Variants in RBPMS observed in about 807,000 individuals in gnomAD.
RBPMS encodes the protein RNA binding protein, mRNA processing factor, also known as RNA-binding protein with multiple splicing.
RBPMS carries 7 observed loss-of-function variants against 26.8 expected under a neutral mutation model. The ratio of observed to expected loss-of-function variants is 0.26; its 90% CI spans 0.15 to 0.49. The LOEUF (loss-of-function observed/expected upper bound fraction) is 0.49, where lower values mean the gene tolerates loss of function less well. RBPMS is among the 20% of genes least tolerant of loss of function. The pLI, the probability that RBPMS is intolerant of heterozygous loss-of-function variation, is 0.98. For synonymous variants in RBPMS, 96 were observed against 93.3 expected (o/e 1.03, Z -0.17); for missense variants, 186 against 250.0 (o/e 0.74, Z 1.73).
At chr8:30,511,489 ATATATATATATAT>A (rs1563393233) in intron 5 of RBPMS, among the ~76,000 whole-genome samples, 97 of 7,574 alleles carry the variant, frequency 0.013, no homozygotes, top group African/African-American at 0.065. Context: ...AAAAAAAAAT[ATATATATATATAT>A]ATATATATAT....
intron 5 of RBPMS, among the ~76,000 whole-genome samples, chr8:30,519,763 G>A (rs989964514): frequency 2.0e-5 from 3 of 152,048 alleles, no homozygotes; most frequent in Non-Finnish European, 4.4e-5. Flanking sequence ...AAAGTGCTGG[G>A]ATTACAGGCG....
chr8:30,428,264 G>A (rs140082417), intron 1 of RBPMS, among the ~76,000 whole-genome samples: 1,629 of 151,696 alleles, frequency 0.011, 22 homozygotes, highest in African/African-American at 0.037. Context: ...CTCGTAATCC[G>A]CCTGCCTCGT....
chr8:30,519,454 CTCTCTTTTTTTTTTTT>C (rs1822772969), intron 5 of RBPMS, among the ~76,000 whole-genome samples: 17 of 123,478 alleles, frequency 1.4e-4, no homozygotes, highest in African/African-American at 5.7e-4. Flanking sequence ...GGGAGGATCT[CTCTCTTTTTTTTTTTT>C]TTTTTTTTTT....
intron 1 of RBPMS, among the ~76,000 whole-genome samples, chr8:30,420,615 AT>A (rs1810656782): frequency 6.6e-6 from 1 of 152,230 alleles, no homozygotes; most frequent in South Asian, 2.1e-4. Context: ...GGCTGGACTG[AT>A]TGCATGTGAT....
intron 4 of RBPMS, among the ~76,000 whole-genome samples, chr8:30,502,307 A>G (rs907846580): frequency 1.4e-4 from 21 of 152,148 alleles, no homozygotes; most frequent in African/African-American, 5.1e-4. Flanking sequence ...GTTGTGTAAG[A>G]GGCAAACACA....
chr8:30,525,799 G>A (rs1272591107), intron 5 of RBPMS, among the ~76,000 whole-genome samples: 1 of 152,184 alleles, frequency 6.6e-6, no homozygotes, highest in Non-Finnish European at 1.5e-5. Context: ...ATGCTGTAGA[G>A]CTCTCTGCAG....
intron 8 of RBPMS, among the ~76,000 whole-genome samples, chr8:30,566,686 C>T (rs759931030): frequency 3.3e-5 from 5 of 152,188 alleles, no homozygotes; most frequent in Admixed American, 6.5e-5. Flanking sequence ...GTTACTGAAA[C>T]GAAGCTTTTC....
At position 30,486,766 on chromosome 8, in the gene RBPMS, A is replaced by G. The variant is rs911760708; in HGVS notation, c.246+7389A>G. Among the ~76,000 whole-genome samples, 4 of 152,238 alleles carry G rather than the reference A, an allele frequency of 2.6e-5. No homozygotes were observed. In the South Asian group the frequency reaches 6.2e-4, roughly 24 times the overall value. ...CGTTCTCACACATGAACCAGTGTAT[A>G]TTCCAATGACAAGTATATGTGGAAA... On this transcript the variant is annotated intron_variant, in intron 4 of 8. Coordinates refer to ENST00000397323, the MANE Select transcript of RBPMS (RefSeq NM_001008710.3).
At chr8:30,409,618 A>C (rs893734769) in intron 1 of RBPMS, among the ~76,000 whole-genome samples, 3 of 152,082 alleles carry the variant, frequency 2.0e-5, no homozygotes, top group African/African-American at 7.2e-5. Flanking sequence ...ATGCGTCCTA[A>C]TACATTCTTT....
At chr8:30,462,956 C>A (rs919173666) in intron 1 of RBPMS, among the ~76,000 whole-genome samples, 1 of 151,954 alleles carries the variant, frequency 6.6e-6, no homozygotes, top group Non-Finnish European at 1.5e-5. Flanking sequence ...TATTGGGGTC[C>A]GTAATACGAA....
At chr8:30,532,773 C>T (rs1482170791) in intron 5 of RBPMS, among the ~76,000 whole-genome samples, 7 of 152,176 alleles carry the variant, frequency 4.6e-5, no homozygotes, top group Non-Finnish European at 1.0e-4. Flanking sequence ...TCTTCGGACA[C>T]TTTTCAGATG....
At chr8:30,408,319 A>C (rs538665717) in intron 1 of RBPMS, among the ~76,000 whole-genome samples, 2 of 152,322 alleles carry the variant, frequency 1.3e-5, no homozygotes, top group East Asian at 3.9e-4. Flanking sequence ...ACCTGAGGCC[A>C]GGAGTTTGAG....
intron 8 of RBPMS, among the ~76,000 whole-genome samples, chr8:30,570,094 C>T (rs909734302): frequency 1.3e-5 from 2 of 152,186 alleles, no homozygotes; most frequent in Admixed American, 1.3e-4. Context: ...AAGCTCATCC[C>T]GTACGCTATG....
intron 5 of RBPMS, 63 bp from the exon 6 acceptor site, chr8:30,544,431 G>T: frequency 6.5e-7 from 1 of 1,537,580 alleles, no homozygotes; most frequent in Non-Finnish European, 9.0e-7. Context: ...TGGGTGTTTT[G>T]TTTTCTGATT....
intron 6 of RBPMS, chr8:30,555,745 A>C (rs1361333172): frequency 3.1e-6 from 1 of 320,996 alleles, no homozygotes; most frequent in Non-Finnish European, 4.5e-6. Flanking sequence ...TCTGGAGGGA[A>C]CTGTAGGTTT....
intron 1 of RBPMS, among the ~76,000 whole-genome samples, chr8:30,465,501 A>G (rs1458613646): frequency 6.6e-6 from 1 of 152,164 alleles, no homozygotes; most frequent in African/African-American, 2.4e-5. Flanking sequence ...AAGAAGTCCT[A>G]TCAGGCGGGG....
intron 1 of RBPMS, among the ~76,000 whole-genome samples, chr8:30,465,549 G>C (rs1816404340): frequency 6.6e-6 from 1 of 152,150 alleles, no homozygotes; most frequent in Admixed American, 6.5e-5. Flanking sequence ...CGCTTTGAGA[G>C]GCTGAGGCAG....
intron 4 of RBPMS, among the ~76,000 whole-genome samples, chr8:30,487,328 C>T (rs1818895192): frequency 6.6e-6 from 1 of 152,146 alleles, no homozygotes. Context: ...TTCTGATAGT[C>T]CATAAGGATT....
At chr8:30,524,557 G>GTTAT (rs1185561407) in intron 5 of RBPMS, among the ~76,000 whole-genome samples, 1 of 152,054 alleles carries the variant, frequency 6.6e-6, no homozygotes, top group Non-Finnish European at 1.5e-5. Context: ...ACAGTCCCAG[G>GTTAT]TTATTACCCC....
Sources: allele counts gnomAD v4.1 joint callset (sites outside exome capture counted in the v4.1 genomes callset), GRCh38; gene constraint gnomAD v4.1.1; transcripts MANE v1.5; gene names NCBI Gene and HGNC (gene_info 2026-07-23, HGNC 2026-07-21).